The following NOS1AP variants were observed in gnomAD, a reference collection of about 807,000 sequenced individuals.
NOS1AP encodes carboxyl-terminal PDZ ligand of neuronal nitric oxide synthase protein.
In NOS1AP, 21 loss-of-function variants were observed where a neutral mutation model predicts 56.2. That is an observed-to-expected ratio of 0.37 (90% CI 0.26 to 0.54). NOS1AP has a LOEUF of 0.54. Ranked by LOEUF, NOS1AP falls within the 20% of genes least tolerant of loss-of-function variation. The pLI is 0.84. For synonymous variants in NOS1AP, 270 were observed against 274.6 expected (o/e 0.98, Z 0.17); for missense variants, 522 against 657.8 (o/e 0.79, Z 2.26).
intron 2 of NOS1AP, among the ~76,000 whole-genome samples, chr1:162,286,016 A>G (rs931974945): frequency 6.6e-6 from 1 of 152,250 alleles, no homozygotes; most frequent in Non-Finnish European, 1.5e-5. Context: ...AAGAAGTATC[A>G]ACAATAACTC....
chr1:162,215,678 T>A (rs1006679282), intron 2 of NOS1AP, among the ~76,000 whole-genome samples: 1 of 152,192 alleles, frequency 6.6e-6, no homozygotes, highest in African/African-American at 2.4e-5. Context: ...GTCATCCAGA[T>A]GGTCTCCAGC....
chr1:162,180,692 C>T (rs898623294), intron 2 of NOS1AP, among the ~76,000 whole-genome samples: 1 of 152,154 alleles, frequency 6.6e-6, no homozygotes, highest in African/African-American at 2.4e-5. Flanking sequence ...GAGCCTCAGT[C>T]CTGTAGCTGC....
chr1:162,325,490 C>G (rs1656556221), intron 4 of NOS1AP, among the ~76,000 whole-genome samples: 1 of 152,002 alleles, frequency 6.6e-6, no homozygotes, highest in African/African-American at 2.4e-5. Flanking sequence ...CTCGTCAACC[C>G]ACCACCCCTT....
At chr1:162,289,209 T>TTCC (rs1276270878) in intron 3 of NOS1AP, among the ~76,000 whole-genome samples, 7,591 of 99,260 alleles carry the variant, frequency 0.076, 676 homozygotes, top group East Asian at 0.24. Context: ...CCTTCCTTCC[T>TTCC]TTCCTTCCTT....
intron 2 of NOS1AP, among the ~76,000 whole-genome samples, chr1:162,175,505 C>A (rs1651014782): frequency 6.6e-6 from 1 of 152,134 alleles, no homozygotes; most frequent in South Asian, 2.1e-4. Flanking sequence ...AACTTTCTGG[C>A]ACTACACAGT....
At chr1:162,357,298 G>T in intron 8 of NOS1AP, 162 bp downstream of exon 8, 1 of 1,280,568 alleles carries the variant, frequency 7.8e-7, no homozygotes, top group Non-Finnish European at 1.1e-6. Flanking sequence ...AGCGGGAGGG[G>T]GATAGATGGG....
intron 2 of NOS1AP, among the ~76,000 whole-genome samples, chr1:162,251,660 ATGTG>A (rs1182235850): frequency 1.3e-5 from 2 of 149,284 alleles, no homozygotes; most frequent in East Asian, 2.1e-4. Context: ...ATATATATAT[ATGTG>A]TGTGTGTATG....
chr1:162,188,839 A>ATCAGGAGT lies in NOS1AP; in HGVS notation c.177+34366_177+34373dup, dbSNP rs990783954. Among the ~76,000 whole-genome samples, 4 of 152,132 alleles carry ATCAGGAGT rather than the reference A, an allele frequency of 2.6e-5. No individual in the cohort carries two copies. The East Asian group carries it at 7.7e-4, about 29-fold the overall frequency. On this transcript the variant is annotated intron_variant, in intron 2 of 9. Transcript: ENST00000361897. This position sits in a 1 kb window ranked among gnomAD's most constrained non-coding sequence, Gnocchi z 4.0. The stretch of plus-strand genomic sequence containing the variant: ...GAGGCCGAGGCGGGCGGATCACGAG[A>ATCAGGAGT]TCAGGAGTTCGAGACCAGCCTGGCC...
chr1:162,246,383 G>A (rs1322729779), intron 2 of NOS1AP, among the ~76,000 whole-genome samples: 1 of 152,186 alleles, frequency 6.6e-6, no homozygotes, highest in Non-Finnish European at 1.5e-5. Context: ...TGCCAGCAGA[G>A]CATGCAGGCT....
rs1262742263 is a variant in NOS1AP at position 162,367,040 on chromosome 1, TC to T, written c.1106-11del. The T allele has an allele frequency of 6.2e-7, 1 of 1,613,808 alleles. No individual in the cohort carries two copies. The highest frequency in any genetic ancestry group is 8.5e-7 in the Non-Finnish European group (1 of 1,179,972). On this transcript the variant is annotated splice_polypyrimidine_tract_variant and intron_variant, in intron 9 of 9. Transcript: ENST00000361897. This position sits in a 1 kb window ranked among gnomAD's most constrained non-coding sequence, Gnocchi z 6.5. ...AACGCTGCCCCTCTGCTACCTCTTG[TC>T]TCCCCTGCAGTGGGCTCCCAGGACA...
rs569893941 is a variant in NOS1AP, at chr1:162,249,666, T to G, written c.178-37678T>G. Among the ~76,000 whole-genome samples, 458 of 152,314 alleles carry G rather than the reference T, an allele frequency of 3.0e-3. 1 individual carries two copies. Among genetic ancestry groups the G allele is most frequent in the African/African-American group, 0.011 (444 of 41,574 alleles). ...GTTGAATATGTGTTAATTTGAAACCTACTATGTGCTGCATAGGGTATTGAA... is the reference window on the plus strand; with the variant it reads ...GTTGAATATGTGTTAATTTGAAACCGACTATGTGCTGCATAGGGTATTGAA... On this transcript the variant is annotated intron_variant, in intron 2 of 9. Coordinates refer to ENST00000361897, the MANE Select transcript of NOS1AP (RefSeq NM_014697.3).
chr1:162,218,056 C>G (rs977037545), intron 2 of NOS1AP, among the ~76,000 whole-genome samples: 2 of 152,188 alleles, frequency 1.3e-5, no homozygotes, highest in Non-Finnish European at 2.9e-5. Context: ...TTAAGTATCA[C>G]TAGTAAGTGA....
At chr1:162,070,635 G>A (rs886576137) in intron 1 of NOS1AP, among the ~76,000 whole-genome samples, 1 of 152,200 alleles carries the variant, frequency 6.6e-6, no homozygotes, top group Non-Finnish European at 1.5e-5. Context: ...GTTTAGAATC[G>A]GTTTAAGGAA....
At chr1:162,313,066 G>A (rs993173048) in intron 4 of NOS1AP, among the ~76,000 whole-genome samples, 1 of 152,018 alleles carries the variant, frequency 6.6e-6, no homozygotes, top group Admixed American at 6.6e-5. Flanking sequence ...TTTGAAAACT[G>A]GCACAAGACA....
chr1:162,200,284 T>A (rs1651949573), intron 2 of NOS1AP, among the ~76,000 whole-genome samples: 1 of 152,160 alleles, frequency 6.6e-6, no homozygotes, highest in Admixed American at 6.5e-5. Flanking sequence ...CTATGATTCA[T>A]CCCATCAGTC....
chr1:162,261,534 GAGAGA>G (rs1654236193), intron 2 of NOS1AP, among the ~76,000 whole-genome samples: 2 of 37,754 alleles, frequency 5.3e-5, no homozygotes, highest in Non-Finnish European at 1.5e-4. Flanking sequence ...GAGAGAGAGA[GAGAGA>G]GAGAGAGCAA....
chr1:162,086,444 G>A (rs1692004944), intron 1 of NOS1AP, among the ~76,000 whole-genome samples: 1 of 152,150 alleles, frequency 6.6e-6, no homozygotes, highest in Admixed American at 6.5e-5. Flanking sequence ...TGCCCACCCT[G>A]AGTAGCTTTC....
In NOS1AP at chr1:162,287,425, A is replaced by G; in HGVS notation, c.259A>G (p.Lys87Glu). The G allele has an allele frequency of 6.2e-7, 1 of 1,610,624 alleles. No individual in the cohort carries two copies. Residue 87 changes from lysine (K) to glutamate (E), a missense_variant, in exon 3 of 10, where the codon AAG (lysine) becomes GAG (glutamate). This residue lies in a region of NOS1AP where 132 missense variants were observed against 218.1 expected (regional missense o/e 0.61). Transcript: ENST00000361897. Reference sequence around the variant, plus strand: ...GGATGGAGTGAAAGTGATTCTGAAGAAGAAGAAAAAGGTAAGTGGCTCTGA... The same window carrying G: ...GGATGGAGTGAAAGTGATTCTGAAGGAGAAGAAAAAGGTAAGTGGCTCTGA... Reference protein sequence around the residue: ...SVDGVKVILKKKKKLLLLQKK... With the variant: ...SVDGVKVILKEKKKLLLLQKK...
chr1:162,185,098 A>G (rs1423021726), intron 2 of NOS1AP, among the ~76,000 whole-genome samples: 1 of 152,194 alleles, frequency 6.6e-6, no homozygotes, highest in Non-Finnish European at 1.5e-5. Context: ...CTGTATCTTC[A>G]AAGCCAGCAT....
Sources: allele counts gnomAD v4.1 joint callset (sites outside exome capture counted in the v4.1 genomes callset), GRCh38; gene constraint gnomAD v4.1.1; regional missense constraint gnomAD v4.1.1; non-coding constraint Gnocchi (gnomAD v3.1); transcripts MANE v1.5; gene names NCBI Gene and HGNC (gene_info 2026-07-23, HGNC 2026-07-21).